Variants in PSAP observed in about 807,000 individuals in gnomAD.
PSAP encodes the protein precursor of saposins.
PSAP carries 25 observed loss-of-function variants against 66.0 expected under a neutral mutation model. That is an observed-to-expected ratio of 0.38 (90% CI 0.28 to 0.53). The LOEUF is 0.53. PSAP is among the 20% of genes least tolerant of loss of function. The pLI, the probability that PSAP is intolerant of heterozygous loss-of-function variation, is 0.83. For synonymous variants in PSAP, 273 were observed against 258.9 expected (o/e 1.05, Z -0.52); for missense variants, 649 against 668.8 (o/e 0.97, Z 0.33).
rs1290075693 is a variant in PSAP at position 71,831,890 on chromosome 10, C to A, written c.205G>T (p.Val69Phe). Residue 69 changes from valine to phenylalanine, a missense_variant, in exon 3 of 14, where the codon GTT becomes TTT. By Grantham distance (50) the Val-to-Phe change is conservative. Coordinates refer to ENST00000394936, the MANE Select transcript of PSAP (RefSeq NM_002778.4). ...AGCATATCACCAGCTGCGGTGACAA[C>A]GTCTTTGCATATGTCGCAGGGAAGG... is the stretch of plus-strand genomic sequence containing the variant. ...KSLPCDICKD[V>F]VTAAGDMLKD... 6.2e-7 allele frequency: 1 copy of A among 1,614,032 alleles called. No homozygotes were observed. The highest frequency in any genetic ancestry group is 1.7e-5 in the Admixed American group (1 of 60,026).
intron 1 of PSAP, among the ~76,000 whole-genome samples, chr10:71,842,976 C>T (rs1185102798): frequency 3.3e-5 from 5 of 152,186 alleles, no homozygotes; most frequent in African/African-American, 9.7e-5. Flanking sequence ...CCTCCTGGCA[C>T]TCATCAATGC....
rs756321488 is a variant in PSAP at position 71,821,886 on chromosome 10, TCCA to T, written c.896_898del (p.Val299del). The T allele has an allele frequency of 4.3e-6, 7 of 1,614,166 alleles. No homozygotes were observed. The highest frequency in any genetic ancestry group is 5.9e-6 in the Non-Finnish European group (7 of 1,180,024). On this transcript the variant is annotated inframe_deletion, in exon 8 of 14. Transcript: ENST00000394936. ...AGTGACACCAGGTACCTTAATGGGC[TCCA>T]CCAGTTCCAGGGCAGGGATGACATT...
At chr10:71,837,384 AAG>A (rs1842646022) in intron 1 of PSAP, among the ~76,000 whole-genome samples, 1 of 152,236 alleles carries the variant, frequency 6.6e-6, no homozygotes, top group Admixed American at 6.5e-5. Context: ...CAGATCTCCT[AAG>A]AGGGGATCAA....
chr10:71,841,178 G>T (rs1303649983), intron 1 of PSAP, among the ~76,000 whole-genome samples: 2 of 152,232 alleles, frequency 1.3e-5, no homozygotes, highest in Non-Finnish European at 2.9e-5. Flanking sequence ...TGCAGATCCA[G>T]CATGCTGCAC....
intron 3 of PSAP, among the ~76,000 whole-genome samples, 177 bp from the exon 4 acceptor site, chr10:71,831,428 G>A (rs1256157714): frequency 6.6e-6 from 1 of 152,212 alleles, no homozygotes; most frequent in African/African-American, 2.4e-5. Flanking sequence ...TCAGGCAAAA[G>A]CAGACATGAG....
At chr10:71,842,100 T>C (rs2133063347) in intron 1 of PSAP, among the ~76,000 whole-genome samples, 1 of 152,118 alleles carries the variant, frequency 6.6e-6, no homozygotes, top group African/African-American at 2.4e-5. Flanking sequence ...TCTCAAAGTG[T>C]GGTCCAAAAC....
chr10:71,844,947 A>G (rs908715300), intron 1 of PSAP, among the ~76,000 whole-genome samples: 1 of 152,182 alleles, frequency 6.6e-6, no homozygotes, highest in Non-Finnish European at 1.5e-5. Flanking sequence ...CCACAGTCAA[A>G]TGTGGTCTGA....
chr10:71,840,949 G>A (rs1842722487), intron 1 of PSAP, among the ~76,000 whole-genome samples: 1 of 152,234 alleles, frequency 6.6e-6, no homozygotes, highest in Admixed American at 6.5e-5. Context: ...GGGTACTGTA[G>A]TCCAATAAAA....
Position 71,817,455 on chromosome 10 carries a change from G to C in PSAP, c.1561C>G (p.His521Asp). The change falls in exon 14 of 14, where the codon CAT becomes GAT. Residue 521 changes from histidine to aspartate, a missense_variant. Coordinates refer to ENST00000394936, the MANE Select transcript of PSAP (RefSeq NM_002778.4). ...TATTCCTCCTCCTAGTTCCACACAT[G>C]GCGTTTGCAATGCTCGACAGCCTGG... ...QCNAVEHCKR[H>D]VWN The C allele has an allele frequency of 6.2e-7, 1 of 1,614,198 alleles. No individual in the cohort carries two copies. The highest frequency in any genetic ancestry group is 1.1e-5 in the South Asian group (1 of 91,084).
rs569841336 is a variant in PSAP, at chr10:71,851,243, C to G, written c.-22G>C. 6.5e-6 allele frequency: 10 copies of G among 1,550,122 alleles called. No individual in the cohort carries two copies. In the Admixed American group the frequency reaches 1.2e-4, roughly 18 times the overall value. On this transcript the variant is annotated 5_prime_UTR_variant, in exon 1 of 14. Coordinates refer to ENST00000394936, the MANE Select transcript of PSAP (RefSeq NM_002778.4). ...ACATAGCGCCGTCTGACTCCGCAGT[C>G]TGCAATGCGGAGCGTCAGCTGATCC...
At chr10:71,840,638 T>C (rs745621675) in intron 1 of PSAP, among the ~76,000 whole-genome samples, 10 of 152,214 alleles carry the variant, frequency 6.6e-5, no homozygotes, top group Non-Finnish European at 1.0e-4. Flanking sequence ...AAGAAATCAG[T>C]GGCAATAAAG....
At chr10:71,835,646 G>GA (rs1175597844) in intron 1 of PSAP, among the ~76,000 whole-genome samples, 2 of 151,970 alleles carry the variant, frequency 1.3e-5, no homozygotes, top group East Asian at 3.9e-4. Flanking sequence ...AAAAAATGGG[G>GA]AAAAAAATCC....
intron 2 of PSAP, among the ~76,000 whole-genome samples, chr10:71,832,726 T>C (rs1301846484): frequency 6.6e-6 from 1 of 151,936 alleles, no homozygotes; most frequent in Non-Finnish European, 1.5e-5. Context: ...AAGGGTACTG[T>C]GCATGGAACC....
At chr10:71,831,380 A>G in intron 3 of PSAP, 129 bp from the exon 4 acceptor site, 1 of 1,234,550 alleles carries the variant, frequency 8.1e-7, no homozygotes. Flanking sequence ...CTCAGGGAAA[A>G]GGACTTGGCC....
intron 1 of PSAP, among the ~76,000 whole-genome samples, chr10:71,847,918 A>G (rs1246480716): frequency 6.6e-6 from 1 of 152,202 alleles, no homozygotes; most frequent in Non-Finnish European, 1.5e-5. Context: ...CCCAGAAAAC[A>G]TAACTGTCTT....
At chr10:71,847,878 G>A (rs1842850171) in intron 1 of PSAP, among the ~76,000 whole-genome samples, 1 of 152,160 alleles carries the variant, frequency 6.6e-6, no homozygotes, top group Admixed American at 6.5e-5. Flanking sequence ...ACATGTTATT[G>A]AAAGAATATA....
chr10:71,831,989 C>A (rs1842530365), intron 2 of PSAP, 69 bp from the exon 3 acceptor site: 1 of 1,438,950 alleles, frequency 6.9e-7, no homozygotes, highest in Non-Finnish European at 9.8e-7. Context: ...GCTGGAACTC[C>A]CCATGGCCTT....
chr10:71,835,341 G>C (rs1842600461), intron 1 of PSAP, among the ~76,000 whole-genome samples: 1 of 152,142 alleles, frequency 6.6e-6, no homozygotes, highest in African/African-American at 2.4e-5. Context: ...TCAGCACTTT[G>C]AGAGGCCGAG....
At chr10:71,846,731 CAAAAAAAAA>C (rs56323015) in intron 1 of PSAP, among the ~76,000 whole-genome samples, 1 of 49,678 alleles carries the variant, frequency 2.0e-5, no homozygotes, top group Admixed American at 2.4e-4. Flanking sequence ...GACCCTGTCT[CAAAAAAAAA>C]AAAAAAAAAA....
Sources: gnomAD v4.1 joint callset for allele counts (sites outside exome capture counted in the v4.1 genomes callset) on GRCh38, gnomAD v4.1.1 for gene constraint, MANE v1.5 for transcripts, NCBI Gene and HGNC (gene_info 2026-07-23, HGNC 2026-07-21) for gene names.